The following FRK variants were observed in gnomAD, a reference collection of about 807,000 sequenced individuals.
FRK encodes the protein fyn related Src family tyrosine kinase.
A neutral mutation model predicts 56.4 loss-of-function variants in FRK; 51 were observed. The observed-to-expected ratio is 0.90, with a 90% CI of 0.72 to 1.14. The LOEUF (loss-of-function observed/expected upper bound fraction) is 1.14. Among genes scored for constraint, FRK ranks in the 50% most tolerant of loss-of-function variants. FRK has a pLI of 0.00. For missense variants in FRK, 570 were observed against 601.4 expected, an observed-to-expected ratio of 0.95 and a Z score of 0.55; for synonymous variants, 245 against 217.9, an observed-to-expected ratio of 1.12 and a Z score of -1.10.
rs932514970 is a variant in FRK, at chr6:115,938,718, C to T, written c.*3696G>A. The stretch of plus-strand genomic sequence containing the variant: ...CCTCTAAGCAAATAAACTAGAAAAT[C>T]TAGAAGAAATGGGTAAATTCCTGCA... On this transcript the variant is annotated 3_prime_UTR_variant, in exon 8 of 8. Transcript: ENST00000606080. 2.0e-5 allele frequency: 3 copies of T among 152,056 alleles called. No homozygotes were observed. Among genetic ancestry groups the T allele is most frequent in the Non-Finnish European group, 2.9e-5 (2 of 68,020 alleles). The allele number at this position is 152,056 out of a possible 1,614,324, so 9.4% of individuals were successfully genotyped here. A position where few individuals can be genotyped will look rare whatever the true frequency, so the allele number is the denominator to read the frequency against.
Position 115,967,599 on chromosome 6 carries a change from C to T in FRK, c.751G>A (p.Gly251Ser). 1 of 1,613,626 alleles carries T rather than the reference C, an allele frequency of 6.2e-7. No individual in the cohort carries two copies. Among genetic ancestry groups the T allele is most frequent in the Middle Eastern group, 1.7e-4 (1 of 6,058 alleles). ...ACTGGAGTGGTATTGTTCCACAGAC[C>T]TTCCCATACTTCGCCAAACTGACCA... ...GSGQFGEVWEGLWNNTTPVAV... is the reference protein window; with the variant it reads ...GSGQFGEVWESLWNNTTPVAV... Residue 251 changes from glycine to serine, a missense_variant, in exon 4 of 8, where the codon GGT becomes AGT. Coordinates refer to ENST00000606080, the MANE Select transcript of FRK (RefSeq NM_002031.3).
In FRK at chr6:115,932,231, A is replaced by C. The variant is rs1771969583; in HGVS notation, c.*10183T>G. ...CATAAATAACTTGAGAGGCCTACTA[A>C]CATCACTTTCTTAACAAAAGCAGAG... On this transcript the variant is annotated 3_prime_UTR_variant, in exon 8 of 8. Transcript: ENST00000606080. 1 of 152,230 alleles carries C rather than the reference A, an allele frequency of 6.6e-6. No individual in the cohort carries two copies. Among genetic ancestry groups the C allele is most frequent in the African/African-American group, 2.4e-5 (1 of 41,466 alleles). The allele number at this position is 152,230 out of a possible 1,614,324, so 9.4% of individuals were successfully genotyped here.
chr6:115,981,816 C>T (rs570345308), intron 2 of FRK, among the ~76,000 whole-genome samples: 106 of 152,000 alleles, frequency 7.0e-4, no homozygotes, highest in Middle Eastern at 3.4e-3. Flanking sequence ...CATTTTTTCA[C>T]CTTGTTTCTA....
chr6:116,053,253 C>T (rs536123035), intron 1 of FRK, among the ~76,000 whole-genome samples: 2 of 152,232 alleles, frequency 1.3e-5, no homozygotes, highest in East Asian at 3.9e-4. Flanking sequence ...AAAGGCTGCT[C>T]TTATTTATAT....
intron 5 of FRK, among the ~76,000 whole-genome samples, chr6:115,946,797 C>G (rs1424011234): frequency 6.6e-6 from 1 of 151,816 alleles, no homozygotes; most frequent in Non-Finnish European, 1.5e-5. Context: ...TGTAACAAGT[C>G]AAAGGTTTTG....
intron 2 of FRK, among the ~76,000 whole-genome samples, chr6:116,002,310 T>C (rs1019637231): frequency 6.6e-6 from 1 of 152,146 alleles, no homozygotes; most frequent in Non-Finnish European, 1.5e-5. Context: ...TCACCTTGGG[T>C]ATAAACAACA....
the FRK span, among the ~76,000 whole-genome samples, chr6:116,083,649 C>T: frequency 2.0e-5 from 3 of 152,084 alleles, no homozygotes; most frequent in South Asian, 2.1e-4. Context: ...CAGTATTTCT[C>T]GAGTGGGACC....
intron 1 of FRK, among the ~76,000 whole-genome samples, chr6:116,013,925 C>T (rs898292332): frequency 2.0e-5 from 3 of 152,128 alleles, no homozygotes; most frequent in Non-Finnish European, 4.4e-5. Context: ...TCTTTCTTCC[C>T]TTTTCCTATA....
At chr6:116,056,543 T>G (rs1213286748) in intron 1 of FRK, among the ~76,000 whole-genome samples, 2 of 152,332 alleles carry the variant, frequency 1.3e-5, no homozygotes, top group East Asian at 1.9e-4. Context: ...CATATTGCTT[T>G]TTATCAATAT....
intron 1 of FRK, among the ~76,000 whole-genome samples, chr6:116,017,994 G>A (rs1020528957): frequency 6.6e-6 from 1 of 152,184 alleles, no homozygotes; most frequent in Non-Finnish European, 1.5e-5. Flanking sequence ...ACAATACAGA[G>A]CAGAAAACAA....
chr6:115,968,062 C>T (rs997031162), intron 3 of FRK, among the ~76,000 whole-genome samples: 2 of 152,138 alleles, frequency 1.3e-5, no homozygotes, highest in Non-Finnish European at 2.9e-5. Flanking sequence ...TTCCCTCTCA[C>T]CCACAAATCC....
chr6:115,967,691 G>T lies in FRK; in HGVS notation c.659C>A (p.Ser220Ter). Residue 220 changes from serine (S) to a stop codon, truncating the protein, a stop_gained, in exon 4 of 8, where the codon TCG (serine) becomes TAG (stop). Coordinates refer to ENST00000606080, the MANE Select transcript of FRK (RefSeq NM_002031.3). LOFTEE classifies it high-confidence loss of function. ...KIQVPAPFDL[S>*]YKTVDQWEID... ...CTCCCATTGGTCCACGGTTTTATAC[G>T]ACAAATCAAATGGAGCTGGGACCTG... is the stretch of plus-strand genomic sequence containing the variant. 1 of 1,607,030 alleles carries T rather than the reference G, an allele frequency of 6.2e-7. No individual in the cohort carries two copies. The highest frequency in any genetic ancestry group is 1.7e-4 in the Middle Eastern group (1 of 6,028).
intron 2 of FRK, among the ~76,000 whole-genome samples, chr6:115,970,863 T>C (rs141923974): frequency 6.6e-6 from 1 of 152,176 alleles, no homozygotes; most frequent in African/African-American, 2.4e-5. Flanking sequence ...CAGAGAGTTA[T>C]GATCGATTGT....
intron 1 of FRK, among the ~76,000 whole-genome samples, chr6:116,022,094 C>G (rs189123479): frequency 2.0e-4 from 31 of 152,066 alleles, no homozygotes; most frequent in South Asian, 8.3e-4. Flanking sequence ...TTCCCCAATA[C>G]ATATAAAGTA....
chr6:116,011,312 C>A (rs1298937877), intron 1 of FRK, among the ~76,000 whole-genome samples: 2 of 152,112 alleles, frequency 1.3e-5, no homozygotes, highest in Admixed American at 1.3e-4. Flanking sequence ...TTGCCTCTTA[C>A]ACTTTTTAAA....
intron 5 of FRK, among the ~76,000 whole-genome samples, chr6:115,946,384 G>T (rs560150416): frequency 2.0e-5 from 3 of 152,308 alleles, no homozygotes; most frequent in African/African-American, 7.2e-5. Flanking sequence ...GGTATTCGTT[G>T]TTAAAATGAG....
At chr6:116,077,320 T>C in the FRK span, among the ~76,000 whole-genome samples, 14 of 152,230 alleles carry the variant, frequency 9.2e-5, no homozygotes, top group Non-Finnish European at 1.5e-4. Context: ...ATATTTCACA[T>C]AGGGCTTAGC....
At chr6:115,985,209 G>A (rs1016645631) in intron 2 of FRK, among the ~76,000 whole-genome samples, 3 of 152,144 alleles carry the variant, frequency 2.0e-5, no homozygotes, top group Non-Finnish European at 4.4e-5. Flanking sequence ...AAATCAGGGT[G>A]AGCGTTCCAT....
the FRK span, among the ~76,000 whole-genome samples, chr6:116,099,252 C>A: frequency 6.6e-6 from 1 of 152,162 alleles, no homozygotes; most frequent in Non-Finnish European, 1.5e-5. Flanking sequence ...AAAAACAATC[C>A]TTTTATACTC....
Sources: allele counts gnomAD v4.1 joint callset (sites outside exome capture counted in the v4.1 genomes callset), GRCh38; gene constraint gnomAD v4.1.1; transcripts MANE v1.5; gene names NCBI Gene and HGNC (gene_info 2026-07-23, HGNC 2026-07-21).